The following PARD3B variants were observed in gnomAD, a reference collection of about 807,000 sequenced individuals.
The protein encoded by PARD3B is par-3 family cell polarity regulator beta.
A neutral mutation model predicts 130.2 loss-of-function variants in PARD3B; 103 were observed. That is an observed-to-expected ratio of 0.79 (90% CI 0.67 to 0.93). PARD3B has a LOEUF of 0.93. Ranked by LOEUF, PARD3B falls within the 40% of genes least tolerant of loss-of-function variation. PARD3B has a pLI of 0.00. For synonymous variants in PARD3B, 583 were observed against 553.2 expected, an observed-to-expected ratio of 1.05 and a Z score of -0.76; for missense variants, 1,609 against 1,499.2, an observed-to-expected ratio of 1.07 and a Z score of -1.21.
At chr2:204,708,844 TAGAC>T (rs2038305256) in intron 2 of PARD3B, among the ~76,000 whole-genome samples, 1 of 152,236 alleles carries the variant, frequency 6.6e-6, no homozygotes, top group Admixed American at 6.5e-5. Context: ...GTCACCTACA[TAGAC>T]AGTCATTTGT....
At chr2:205,200,880 G>A (rs2036951103) in intron 15 of PARD3B, among the ~76,000 whole-genome samples, 1 of 152,150 alleles carries the variant, frequency 6.6e-6, no homozygotes, top group Non-Finnish European at 1.5e-5. Flanking sequence ...TTGTATAAGT[G>A]TAGGATTTAC....
At chr2:205,522,161 T>TTTAC (rs916727100) in intron 21 of PARD3B, among the ~76,000 whole-genome samples, 5 of 151,516 alleles carry the variant, frequency 3.3e-5, no homozygotes, top group African/African-American at 1.2e-4. Context: ...TACATTTATT[T>TTTAC]TTACTTAATT....
chr2:205,275,250 T>C (rs1207417), intron 16 of PARD3B, among the ~76,000 whole-genome samples: 2 of 152,086 alleles, frequency 1.3e-5, no homozygotes, highest in African/African-American at 4.8e-5. Context: ...TCCTTGTATT[T>C]ACCATGCACT....
In PARD3B at chr2:205,091,616, C is replaced by G. The variant is rs1702116603; in HGVS notation, c.505-12810C>G. On this transcript the variant is annotated intron_variant, in intron 4 of 22. Transcript: ENST00000406610. This position sits in a 1 kb window ranked among gnomAD's most constrained non-coding sequence, Gnocchi z 4.2. ...TGCTACAAGTCTCTTACAATTCTGT[C>G]AAAGATATGGGCTTGGATTAGCAGC... 6.6e-6 allele frequency among the ~76,000 whole-genome samples: 1 copy of G among 152,104 alleles called. No homozygotes were observed. Among genetic ancestry groups the G allele is most frequent in the Non-Finnish European group, 1.5e-5 (1 of 68,020 alleles).
At position 204,965,185 on chromosome 2, in the gene PARD3B, C is replaced by G; in HGVS notation, c.256C>G (p.His86Asp). 6.2e-7 allele frequency: 1 copy of G among 1,613,782 alleles called. No individual in the cohort carries two copies. Among genetic ancestry groups the G allele is most frequent in the East Asian group, 2.2e-5 (1 of 44,860 alleles). ...IAVFEEQEPL[H>D]KIESPSGNPA... Reference sequence around the variant, plus strand: ...TGTGTTTGAAGAACAAGAACCACTCCACAAGATTGAGAGCCCCAGTGGAAA... The same window carrying G: ...TGTGTTTGAAGAACAAGAACCACTCGACAAGATTGAGAGCCCCAGTGGAAA... Residue 86 changes from histidine (H) to aspartate (D), a missense_variant, in exon 3 of 23, where the codon CAC becomes GAC. Coordinates refer to ENST00000406610, the MANE Select transcript of PARD3B (RefSeq NM_001302769.2).
intron 2 of PARD3B, among the ~76,000 whole-genome samples, chr2:204,727,110 A>G (rs533743714): frequency 4.7e-4 from 71 of 150,892 alleles, no homozygotes; most frequent in African/African-American, 1.7e-3. Context: ...TACTGCATGC[A>G]ATGAGAAGGT....
chr2:205,377,932 A>G (rs569837055), intron 18 of PARD3B, among the ~76,000 whole-genome samples: 2 of 151,830 alleles, frequency 1.3e-5, no homozygotes, highest in Admixed American at 6.6e-5. Context: ...CACCACGCCC[A>G]GCTTATGTTT....
chr2:205,063,461 G>T (rs150363139), intron 4 of PARD3B, among the ~76,000 whole-genome samples: 14 of 152,212 alleles, frequency 9.2e-5, no homozygotes, highest in African/African-American at 3.4e-4. Flanking sequence ...GTAGAAAAAT[G>T]CTTAGGAGTT....
At chr2:204,902,417 C>G (rs1453913016) in intron 2 of PARD3B, among the ~76,000 whole-genome samples, 4 of 152,052 alleles carry the variant, frequency 2.6e-5, no homozygotes, top group African/African-American at 9.7e-5. Context: ...GGCCTGTTAT[C>G]CCAGCACTTT....
intron 21 of PARD3B, among the ~76,000 whole-genome samples, chr2:205,509,067 A>G (rs1434030405): frequency 2.0e-5 from 3 of 151,958 alleles, no homozygotes; most frequent in Non-Finnish European, 4.4e-5. Flanking sequence ...TCTGGACTAT[A>G]CAACATGTGA....
At chr2:204,573,700 A>G (rs908195978) in intron 1 of PARD3B, among the ~76,000 whole-genome samples, 2 of 152,178 alleles carry the variant, frequency 1.3e-5, no homozygotes, top group African/African-American at 4.8e-5. Flanking sequence ...GCCCTTGGGT[A>G]CTAAGGCATT....
intron 2 of PARD3B, among the ~76,000 whole-genome samples, chr2:204,843,976 G>A (rs2044358585): frequency 6.6e-6 from 1 of 152,122 alleles, no homozygotes; most frequent in Non-Finnish European, 1.5e-5. Context: ...CTTTGCTTAT[G>A]AGTAATGGCA....
intron 16 of PARD3B, among the ~76,000 whole-genome samples, chr2:205,278,350 A>G: frequency 6.6e-6 from 1 of 152,178 alleles, no homozygotes; most frequent in Admixed American, 6.5e-5. Context: ...ATTTCAGTGA[A>G]TAGATTTTCA....
At chr2:204,658,843 A>G (rs529482654) in intron 1 of PARD3B, among the ~76,000 whole-genome samples, 2 of 152,292 alleles carry the variant, frequency 1.3e-5, no homozygotes, top group Admixed American at 6.5e-5. Flanking sequence ...GTGTCTGAGT[A>G]TTTTTACTCT....
At chr2:204,600,225 T>A (rs2033454673) in intron 1 of PARD3B, among the ~76,000 whole-genome samples, 1 of 151,938 alleles carries the variant, frequency 6.6e-6, no homozygotes, top group Non-Finnish European at 1.5e-5. Context: ...TTTGAGGTGT[T>A]ATTCATAAAA....
chr2:205,477,670 T>C (rs994304764), intron 20 of PARD3B, among the ~76,000 whole-genome samples: 1 of 152,134 alleles, frequency 6.6e-6, no homozygotes, highest in Non-Finnish European at 1.5e-5. Context: ...AGGAAGGAAT[T>C]TGATTTTTAT....
intron 3 of PARD3B, among the ~76,000 whole-genome samples, chr2:204,981,659 C>G (rs1003112134): frequency 6.6e-6 from 1 of 152,196 alleles, no homozygotes; most frequent in Non-Finnish European, 1.5e-5. Context: ...ACTTTCTATT[C>G]TCATTTAGTT....
intron 2 of PARD3B, among the ~76,000 whole-genome samples, chr2:204,726,417 TG>T (rs764102917): frequency 6.6e-6 from 1 of 152,178 alleles, no homozygotes; most frequent in African/African-American, 2.4e-5. Context: ...TCAAGGCCTT[TG>T]GACTGAAAAA....
chr2:204,762,656 T>G (rs2040954076), intron 2 of PARD3B, among the ~76,000 whole-genome samples: 2 of 152,212 alleles, frequency 1.3e-5, no homozygotes, highest in Non-Finnish European at 2.9e-5. Context: ...AGGCAATGAC[T>G]TTTTCCCATT....
Sources: gnomAD v4.1 joint callset for allele counts (sites outside exome capture counted in the v4.1 genomes callset) on GRCh38, gnomAD v4.1.1 for gene constraint, Gnocchi (gnomAD v3.1) non-coding constraint, MANE v1.5 for transcripts, NCBI Gene and HGNC (gene_info 2026-07-23, HGNC 2026-07-21) for gene names.